CADPS: variants seen among roughly 807,000 people sequenced by gnomAD.
CADPS encodes the protein calcium dependent secretion activator.
In CADPS, 57 loss-of-function variants were observed where a neutral mutation model predicts 167.3. The observed-to-expected ratio is 0.34, with a 90% CI of 0.28 to 0.42. The LOEUF (loss-of-function observed/expected upper bound fraction) is 0.42, where lower values mean the gene tolerates loss of function less well. Ranked by LOEUF, CADPS falls within the 20% of genes least tolerant of loss-of-function variation. CADPS has a pLI of 1.00. For missense variants in CADPS, 1,414 were observed against 1,738.1 expected (o/e 0.81, Z 3.32); for synonymous variants, 676 against 635.3 (o/e 1.06, Z -0.96).
At chr3:62,459,308 C>T (rs1245449802) in intron 26 of CADPS, among the ~76,000 whole-genome samples, 1 of 152,206 alleles carries the variant, frequency 6.6e-6, no homozygotes, top group East Asian at 1.9e-4. Context: ...TCTGTGACCT[C>T]GCTTAACTTC....
chr3:62,598,845 GA>G (rs1359626947), intron 6 of CADPS, among the ~76,000 whole-genome samples: 3 of 152,178 alleles, frequency 2.0e-5, no homozygotes, highest in African/African-American at 7.2e-5. Flanking sequence ...CTCTGTAACT[GA>G]AAAGGGAAGT....
At chr3:62,850,697 TG>T (rs1445530510) in intron 1 of CADPS, among the ~76,000 whole-genome samples, 1 of 151,958 alleles carries the variant, frequency 6.6e-6, no homozygotes, top group Non-Finnish European at 1.5e-5. Flanking sequence ...CTTCCAACTA[TG>T]TGGTCAATTT....
intron 3 of CADPS, among the ~76,000 whole-genome samples, chr3:62,703,950 T>C (rs2081896666): frequency 6.6e-6 from 1 of 152,104 alleles, no homozygotes; most frequent in Non-Finnish European, 1.5e-5. Context: ...ATTCCTGGAA[T>C]GTAGGGAATT....
At chr3:62,840,076 T>G (rs146708814) in intron 1 of CADPS, among the ~76,000 whole-genome samples, 38 of 152,284 alleles carry the variant, frequency 2.5e-4, no homozygotes, top group Admixed American at 1.4e-3. Context: ...AAGATTAAAT[T>G]TGATCATGTT....
At chr3:62,507,306 A>G (rs924941580) in intron 17 of CADPS, among the ~76,000 whole-genome samples, 9 of 151,892 alleles carry the variant, frequency 5.9e-5, no homozygotes, top group African/African-American at 2.2e-4. Flanking sequence ...TTCATCAAAG[A>G]CCCTGGCCTG....
At chr3:62,838,516 A>T (rs2076214189) in intron 1 of CADPS, among the ~76,000 whole-genome samples, 1 of 152,170 alleles carries the variant, frequency 6.6e-6, no homozygotes, top group South Asian at 2.1e-4. Context: ...GTGAAACAGT[A>T]TGTGGGTATG....
At chr3:62,474,355 G>A (rs372021165) in intron 23 of CADPS, 35 bp from the exon 24 acceptor site, 82 of 1,605,234 alleles carry the variant, frequency 5.1e-5, no homozygotes, top group South Asian at 1.1e-4. Flanking sequence ...CCAATTCAGC[G>A]TTCAGATGGC....
intron 9 of CADPS, among the ~76,000 whole-genome samples, chr3:62,560,210 G>A (rs1312091634): frequency 6.6e-6 from 1 of 152,054 alleles, no homozygotes; most frequent in Non-Finnish European, 1.5e-5. Context: ...TCTAATTATT[G>A]GAAATTTTGG....
chr3:62,550,891 C>A (rs1358414407), intron 10 of CADPS: 1 of 456,608 alleles, frequency 2.2e-6, no homozygotes, highest in Non-Finnish European at 4.4e-6. Flanking sequence ...GCTTTCTTTA[C>A]TTAGCTTTCA....
intron 9 of CADPS, among the ~76,000 whole-genome samples, chr3:62,559,973 T>A (rs1350575202): frequency 6.6e-6 from 1 of 150,602 alleles, no homozygotes; most frequent in Non-Finnish European, 1.5e-5. Flanking sequence ...TTGGGCTTTT[T>A]AATTTTTTTT....
At chr3:62,684,119 A>T (rs145377557) in intron 3 of CADPS, among the ~76,000 whole-genome samples, 7 of 152,142 alleles carry the variant, frequency 4.6e-5, no homozygotes, top group African/African-American at 1.7e-4. Context: ...TATCTATTTA[A>T]GTTATTTGGA....
intron 6 of CADPS, among the ~76,000 whole-genome samples, chr3:62,640,811 A>G (rs2067259485): frequency 1.3e-5 from 2 of 152,166 alleles, no homozygotes; most frequent in Non-Finnish European, 2.9e-5. Flanking sequence ...AAATTATTTA[A>G]GTGTTCCAGT....
intron 3 of CADPS, among the ~76,000 whole-genome samples, chr3:62,713,944 G>A (rs992003715): frequency 6.6e-6 from 1 of 152,066 alleles, no homozygotes; most frequent in African/African-American, 2.4e-5. Context: ...CTCATATGCA[G>A]CTTTTTAAAA....
chr3:62,427,086 AAAAAG>A (rs1344600072), intron 28 of CADPS, among the ~76,000 whole-genome samples: 6 of 151,482 alleles, frequency 4.0e-5, no homozygotes, highest in African/African-American at 1.5e-4. Flanking sequence ...AAAAAAAAAA[AAAAAG>A]AAAAGTTGAC....
rs1301494812 is a variant in CADPS at position 62,858,148 on chromosome 3, A to G, written c.441+16441T>C. ...GACTTACACAACAAGAAAATTTACT[A>G]TTTTATTGGAAGTCCAGATGAAAGG... On this transcript the variant is annotated intron_variant, in intron 1 of 29. Coordinates refer to ENST00000383710, the MANE Select transcript of CADPS (RefSeq NM_003716.4). Among the ~76,000 whole-genome samples the G allele has an allele frequency of 5.9e-5, 9 of 152,314 alleles. No homozygotes were observed. The East Asian group carries it at 1.7e-3, about 29-fold the overall frequency.
chr3:62,466,503 A>G, intron 24 of CADPS, 90 bp from the exon 25 acceptor site: 1 of 830,588 alleles, frequency 1.2e-6, no homozygotes, highest in Non-Finnish European at 2.0e-6. Flanking sequence ...ATTTATAAAT[A>G]AAGCCTGGCC....
In CADPS at chr3:62,658,578, G is replaced by A. The variant is rs1286561440; in HGVS notation, c.969+3736C>T. On this transcript the variant is annotated intron_variant, in intron 4 of 29. Transcript: ENST00000383710. ...CATCTTTCTCATTAGGTTGTTGGAGGGTTAGATTCTCAGATGTAAAATGCT... is the reference window on the plus strand; with the variant it reads ...CATCTTTCTCATTAGGTTGTTGGAGAGTTAGATTCTCAGATGTAAAATGCT... Among the ~76,000 whole-genome samples, 5 of 151,976 alleles carry A rather than the reference G, an allele frequency of 3.3e-5. No individual in the cohort carries two copies. The East Asian group carries it at 9.7e-4, about 29-fold the overall frequency.
In CADPS at chr3:62,628,273, T is replaced by C. The variant is rs190385702; in HGVS notation, c.1325+17449A>G. The stretch of plus-strand genomic sequence containing the variant: ...GGGCCTTGACACAGATATGGGAGAA[T>C]GCAGATGAGATGAAATTCTTTGTAC... On this transcript the variant is annotated intron_variant, in intron 6 of 29. Coordinates refer to ENST00000383710, the MANE Select transcript of CADPS (RefSeq NM_003716.4). Among the ~76,000 whole-genome samples the C allele has an allele frequency of 1.7e-3, 253 of 152,286 alleles. No homozygotes were observed. The Middle Eastern group carries it at 0.017, about 10-fold the overall frequency.
At chr3:62,786,024 C>T (rs2092389641) in intron 1 of CADPS, among the ~76,000 whole-genome samples, 1 of 151,202 alleles carries the variant, frequency 6.6e-6, no homozygotes, top group South Asian at 2.1e-4. Context: ...ACCAGACTGG[C>T]CATCGTGGTG....
Sources: gnomAD v4.1 joint callset for allele counts (sites outside exome capture counted in the v4.1 genomes callset) on GRCh38, gnomAD v4.1.1 for gene constraint, MANE v1.5 for transcripts, NCBI Gene and HGNC (gene_info 2026-07-23, HGNC 2026-07-21) for gene names.